Variants in AGBL1 observed in about 807,000 individuals in gnomAD.
AGBL1 encodes the protein cytosolic carboxypeptidase 4.
Under a neutral mutation model 118.9 loss-of-function variants are expected in AGBL1, and 130 were observed. The ratio of observed to expected loss-of-function variants is 1.09; its 90% confidence interval spans 0.95 to 1.26. The LOEUF is 1.26. Ranked by LOEUF, AGBL1 falls within the 50% of genes most tolerant of loss-of-function variation. The probability of loss-of-function intolerance (pLI) is 0.00; values close to 1 mark genes in which losing one functional copy is unlikely to be tolerated. For synonymous variants in AGBL1, 555 were observed against 478.9 expected, an observed-to-expected ratio of 1.16 and a Z score of -2.08; for missense variants, 1,584 against 1,298.1, an observed-to-expected ratio of 1.22 and a Z score of -3.38.
At chr15:86,141,606 G>A (rs1003648828) in intron 1 of AGBL1, among the ~76,000 whole-genome samples, 4 of 151,980 alleles carry the variant, frequency 2.6e-5, no homozygotes, top group Non-Finnish European at 4.4e-5. Context: ...AGTGGAGATC[G>A]CACCACTGCA....
chr15:86,477,317 A>T (rs1171527064), intron 18 of AGBL1, among the ~76,000 whole-genome samples: 1 of 152,238 alleles, frequency 6.6e-6, no homozygotes, highest in African/African-American at 2.4e-5. Flanking sequence ...AAGATCAACA[A>T]AATTGATAGA....
intron 24 of AGBL1, among the ~76,000 whole-genome samples, chr15:86,990,994 G>A (rs2081331596): frequency 6.6e-6 from 1 of 152,214 alleles, no homozygotes. Context: ...ATTGAGAATA[G>A]TGAAGGAGGG....
At chr15:86,735,286 G>A (rs144880362) in intron 22 of AGBL1, among the ~76,000 whole-genome samples, 6 of 151,896 alleles carry the variant, frequency 4.0e-5, no homozygotes, top group African/African-American at 9.7e-5. Flanking sequence ...TCACCATGTC[G>A]GTCAGGATGG....
intron 22 of AGBL1, among the ~76,000 whole-genome samples, chr15:86,684,671 A>G (rs752575479): frequency 9.9e-5 from 15 of 152,066 alleles, no homozygotes; most frequent in Non-Finnish European, 2.1e-4. Context: ...AGGAAGTTCA[A>G]TTCTGATTCA....
chr15:86,745,331 A>G (rs1197501667), intron 22 of AGBL1, among the ~76,000 whole-genome samples: 2 of 152,134 alleles, frequency 1.3e-5, no homozygotes, highest in African/African-American at 4.8e-5. Context: ...CTGTAAGTTT[A>G]CATGACCTGC....
chr15:86,180,100 G>A (rs2077532310), intron 5 of AGBL1, among the ~76,000 whole-genome samples: 1 of 151,982 alleles, frequency 6.6e-6, no homozygotes, highest in South Asian at 2.1e-4. Flanking sequence ...ACTTAATATT[G>A]GCAAAATGTC....
intron 5 of AGBL1, among the ~76,000 whole-genome samples, chr15:86,184,663 C>G (rs2077603856): frequency 6.6e-6 from 1 of 152,090 alleles, no homozygotes; most frequent in Admixed American, 6.5e-5. Flanking sequence ...AGGCTTTGTT[C>G]ATTTCTTTTA....
At position 86,921,209 on chromosome 15, in the gene AGBL1, G is replaced by A. The variant is rs191314274; in HGVS notation, c.3222-66778G>A. On this transcript the variant is annotated intron_variant, in intron 23 of 24. Coordinates refer to the AGBL1 transcript ENST00000441037. ...CTCATCTGTGATTGGTTAAGCAGAC[G>A]AAGCTTTGTTTAATGATTTGGGGGT... Among the ~76,000 whole-genome samples the A allele has an allele frequency of 1.6e-4, 24 of 152,282 alleles. No homozygotes were observed. The South Asian group carries it at 1.9e-3, about 12-fold the overall frequency.
At chr15:86,123,772 T>TG (rs529857528) in intron 1 of AGBL1, among the ~76,000 whole-genome samples, 144 of 152,344 alleles carry the variant, frequency 9.5e-4, no homozygotes, top group Non-Finnish European at 1.5e-3. Context: ...CCTGACCACC[T>TG]TGAGCACATG....
At chr15:86,839,294 A>G (rs1391803638) in intron 22 of AGBL1, among the ~76,000 whole-genome samples, 1 of 152,212 alleles carries the variant, frequency 6.6e-6, no homozygotes. Context: ...CTGATTTTCT[A>G]CATACATTCT....
intron 22 of AGBL1, among the ~76,000 whole-genome samples, chr15:86,896,894 T>G (rs946136460): frequency 2.0e-5 from 3 of 152,182 alleles, no homozygotes; most frequent in African/African-American, 7.2e-5. Context: ...ATCTTCACTA[T>G]ATCAATCTTT....
intron 22 of AGBL1, among the ~76,000 whole-genome samples, chr15:86,774,143 G>A (rs2078219371): frequency 6.6e-6 from 1 of 152,102 alleles, no homozygotes; most frequent in South Asian, 2.1e-4. Context: ...TTAGAGTGAT[G>A]TGCACAGTAG....
intron 22 of AGBL1, among the ~76,000 whole-genome samples, chr15:86,738,175 A>T (rs532402663): frequency 6.6e-6 from 1 of 152,320 alleles, no homozygotes; most frequent in South Asian, 2.1e-4. Context: ...ATAAAATTCA[A>T]CACCGCTTCA....
intron 22 of AGBL1, among the ~76,000 whole-genome samples, chr15:86,847,681 C>CAGACCCATCCATCTTTT: frequency 6.6e-6 from 1 of 152,328 alleles, no homozygotes. Context: ...GGAGCACAGT[C>CAGACCCATCCATCTTTT]AGACCCATCC....
At chr15:86,709,760 T>G (rs757607745) in intron 22 of AGBL1, among the ~76,000 whole-genome samples, 16 of 152,198 alleles carry the variant, frequency 1.1e-4, no homozygotes, top group Non-Finnish European at 8.8e-5. Context: ...CTTACCTCCA[T>G]CTACTTTGTC....
intron 5 of AGBL1, among the ~76,000 whole-genome samples, chr15:86,206,944 G>A (rs1163288212): frequency 1.3e-5 from 2 of 152,264 alleles, no homozygotes; most frequent in African/African-American, 2.4e-5. Context: ...ATGGTTTTAT[G>A]TCTAACATTT....
chr15:86,700,888 A>T (rs577371624), intron 22 of AGBL1, among the ~76,000 whole-genome samples: 2 of 152,096 alleles, frequency 1.3e-5, no homozygotes, highest in Non-Finnish European at 2.9e-5. Flanking sequence ...CCTGGTGTTC[A>T]TGTGGTCTCC....
At chr15:86,215,221 A>G (rs201413446) in intron 5 of AGBL1, among the ~76,000 whole-genome samples, 15,992 of 124,578 alleles carry the variant, frequency 0.13, 1,180 homozygotes, top group South Asian at 0.23. Flanking sequence ...GTGTATATGT[A>G]TGCGTGTGTG....
At chr15:86,226,113 G>A (rs1667064971) in intron 6 of AGBL1, among the ~76,000 whole-genome samples, 1 of 152,146 alleles carries the variant, frequency 6.6e-6, no homozygotes, top group Admixed American at 6.5e-5. Context: ...GCAGGATAGG[G>A]GAGTGAAGAG....
Sources: allele counts gnomAD v4.1 joint callset (sites outside exome capture counted in the v4.1 genomes callset), GRCh38; gene constraint gnomAD v4.1.1; transcripts MANE v1.5; gene names NCBI Gene and HGNC (gene_info 2026-07-23, HGNC 2026-07-21).